KASH5: variants seen among roughly 807,000 people sequenced by gnomAD.
KASH5 encodes KASH domain containing 5.
KASH5 carries 72 observed loss-of-function variants against 84.2 expected under a neutral mutation model. The ratio of observed to expected loss-of-function variants is 0.85; its 90% CI spans 0.71 to 1.04. The LOEUF (loss-of-function observed/expected upper bound fraction) is 1.04. Among genes scored for constraint, KASH5 ranks in the 50% least tolerant of loss-of-function variants. The pLI is 0.00. For missense variants in KASH5, 650 were observed against 701.0 expected (o/e 0.93, Z 0.82); for synonymous variants, 260 against 279.1 (o/e 0.93, Z 0.68).
chr19:49,411,623 C>T (rs927354212), intron 15 of KASH5, among the ~76,000 whole-genome samples: 21 of 152,250 alleles, frequency 1.4e-4, no homozygotes, highest in Non-Finnish European at 2.1e-4. Context: ...ACAGGCTTGT[C>T]AAGGGGAAGA....
At chr19:49,397,543 G>T in intron 5 of KASH5, 108 bp from the exon 6 acceptor site, 1 of 948,318 alleles carries the variant, frequency 1.1e-6, no homozygotes, top group South Asian at 1.4e-5. Flanking sequence ...AGATTCTCCA[G>T]AGCACAGGTG....
chr19:49,407,572 G>A (rs1416555065), intron 11 of KASH5, 40 bp from the exon 12 acceptor site: 3 of 1,557,460 alleles, frequency 1.9e-6, no homozygotes, highest in Non-Finnish European at 1.7e-6. Flanking sequence ...GTGTCTTTGG[G>A]GAACTGGTCC....
intron 3 of KASH5, 191 bp downstream of exon 3, chr19:49,394,771 G>A (rs1486083799): frequency 8.4e-6 from 5 of 594,986 alleles, no homozygotes; most frequent in Non-Finnish European, 1.5e-5. Context: ...TTAGAATGAG[G>A]AAAACTTGGG....
At chr19:49,411,522 G>A (rs1374609806) in intron 15 of KASH5, among the ~76,000 whole-genome samples, 3 of 152,154 alleles carry the variant, frequency 2.0e-5, no homozygotes, top group Non-Finnish European at 2.9e-5. Context: ...ACATGCCAAT[G>A]GTCACACAGC....
chr19:49,398,869 T>C (rs1244762714), intron 7 of KASH5, among the ~76,000 whole-genome samples, 156 bp from the exon 8 acceptor site: 2 of 152,108 alleles, frequency 1.3e-5, no homozygotes, highest in Admixed American at 1.3e-4. Context: ...TCTCCTCTTT[T>C]CTCTCTGGGT....
chr19:49,402,204 T>A (rs1224443468), intron 9 of KASH5, among the ~76,000 whole-genome samples: 1 of 148,150 alleles, frequency 6.7e-6, no homozygotes, highest in African/African-American at 2.5e-5. Context: ...ATGGTACCAG[T>A]GTACTCCAGT....
chr19:49,402,504 C>T (rs920245542), intron 9 of KASH5, among the ~76,000 whole-genome samples: 12 of 152,150 alleles, frequency 7.9e-5, no homozygotes, highest in Middle Eastern at 3.4e-3. Context: ...GTCAGGAGTT[C>T]GAAACCAGCC....
At position 49,395,197 on chromosome 19, in the gene KASH5, C is replaced by G. The variant is rs1208377857; in HGVS notation, c.240C>G (p.Ser80Arg). The G allele has an allele frequency of 6.2e-7, 1 of 1,612,764 alleles. No homozygotes were observed. Among genetic ancestry groups the G allele is most frequent in the Non-Finnish European group, 8.5e-7 (1 of 1,179,502 alleles). The change falls in exon 4 of 20, where the codon AGC becomes AGG. Residue 80 changes from serine to arginine, a missense_variant. Coordinates refer to ENST00000447857, the MANE Select transcript of KASH5 (RefSeq NM_144688.5). The surrounding 1 kb of genome is among the most constrained non-coding windows in gnomAD (Gnocchi z 4.4). Reference sequence around the variant, plus strand: ...CACGCCTCCAAACATTGGCCAACAGCCTGGACCCCAATGGGGAGGGCCCTA... The same window carrying G: ...CACGCCTCCAAACATTGGCCAACAGGCTGGACCCCAATGGGGAGGGCCCTA... ...QDARLQTLANSLDPNGEGPKA... is the reference protein window; with the variant it reads ...QDARLQTLANRLDPNGEGPKA...
Position 49,395,046 on chromosome 19 carries a change from C to T in KASH5, c.149-60C>T. 4 of 1,357,170 alleles carry T rather than the reference C, an allele frequency of 2.9e-6. No individual in the cohort carries two copies. The highest frequency in any genetic ancestry group is 4.0e-6 in the Non-Finnish European group (4 of 1,007,376). The allele number at this position is 1,357,170 out of a possible 1,614,324, so 84.1% of individuals were successfully genotyped here. On this transcript the variant is annotated intron_variant, in intron 3 of 19. Coordinates refer to ENST00000447857, the MANE Select transcript of KASH5 (RefSeq NM_144688.5). This position sits in a 1 kb window ranked among gnomAD's most constrained non-coding sequence, Gnocchi z 4.4. ...TGACATCCTGGTCCCAAGCTGCTGCCAGTCCATACCCATCACTCCCCACCT... is the reference window on the plus strand; with the variant it reads ...TGACATCCTGGTCCCAAGCTGCTGCTAGTCCATACCCATCACTCCCCACCT...
Position 49,395,095 on chromosome 19 carries a change from C to T in KASH5, c.149-11C>T, listed in dbSNP as rs762247652. On this transcript the variant is annotated splice_polypyrimidine_tract_variant and intron_variant, in intron 3 of 19. Coordinates refer to ENST00000447857, the MANE Select transcript of KASH5 (RefSeq NM_144688.5). This position sits in a 1 kb window ranked among gnomAD's most constrained non-coding sequence, Gnocchi z 4.4. ...CTGCCCCAGACCCCCTCACTGCATG[C>T]TCTGTCACAGGCACTGTGGCTGTGG... The T allele has an allele frequency of 3.5e-5, 56 of 1,595,406 alleles. No homozygotes were observed. The highest frequency in any genetic ancestry group is 4.6e-5 in the Non-Finnish European group (54 of 1,174,274).
At chr19:49,394,601 G>C (rs1321051337) in intron 3 of KASH5, 21 bp downstream of exon 3, 1 of 1,588,738 alleles carries the variant, frequency 6.3e-7, no homozygotes, top group African/African-American at 1.3e-5. Flanking sequence ...CATGAGGGGT[G>C]CTGGGGACCA....
intron 16 of KASH5, 53 bp downstream of exon 16, chr19:49,413,079 T>C: frequency 6.4e-7 from 1 of 1,552,196 alleles, no homozygotes. Flanking sequence ...TTCACAGCTG[T>C]TTACAGTAGG....
rs1974768125 is a variant in KASH5, at chr19:49,412,943, A to C, written c.1270-25A>C. The C allele has an allele frequency of 1.9e-6, 3 of 1,613,144 alleles. No homozygotes were observed. In the Admixed American group the frequency reaches 5.0e-5, roughly 27 times the overall value. ...AGCTTTGAGTGAGAAGAATCAGAGAAGAACTAACCTTTTTGTTTCCACAGA... is the reference window on the plus strand; with the variant it reads ...AGCTTTGAGTGAGAAGAATCAGAGACGAACTAACCTTTTTGTTTCCACAGA... On this transcript the variant is annotated intron_variant, in intron 15 of 19. Transcript: ENST00000447857. The surrounding 1 kb of genome is among the most constrained non-coding windows in gnomAD (Gnocchi z 4.6).
At chr19:49,396,576 G>A (rs1459917005) in intron 5 of KASH5, among the ~76,000 whole-genome samples, 2 of 152,122 alleles carry the variant, frequency 1.3e-5, no homozygotes, top group Non-Finnish European at 2.9e-5. Flanking sequence ...TCTGGCAAAG[G>A]GGAAGCCCTG....
At chr19:49,400,750 G>T (rs1974339273) in intron 9 of KASH5, among the ~76,000 whole-genome samples, 1 of 152,126 alleles carries the variant, frequency 6.6e-6, no homozygotes, top group East Asian at 1.9e-4. Context: ...TTTGAGGATT[G>T]ACAGCATTTC....
At position 49,414,706 on chromosome 19, in the gene KASH5, C is replaced by G; in HGVS notation, c.1329-245C>G. Among the ~76,000 whole-genome samples the G allele has an allele frequency of 6.8e-6, 1 of 147,830 alleles. No individual in the cohort carries two copies. ...GGCCCGTCCGTGCTGCCTGGCCTCC[C>G]CCAGGCCCGTCCGTGCTGCCTGGCC... On this transcript the variant is annotated intron_variant, in intron 16 of 19. Coordinates refer to ENST00000447857, the MANE Select transcript of KASH5 (RefSeq NM_144688.5). This position sits in a 1 kb window ranked among gnomAD's most constrained non-coding sequence, Gnocchi z 4.5.
chr19:49,406,744 G>T, intron 9 of KASH5, 142 bp from the exon 10 acceptor site: 1 of 722,118 alleles, frequency 1.4e-6, no homozygotes, highest in Non-Finnish European at 2.4e-6. Flanking sequence ...TGGAATGGTT[G>T]GAGGAATTAA....
intron 5 of KASH5, among the ~76,000 whole-genome samples, chr19:49,397,398 G>T (rs1216222178): frequency 6.6e-6 from 1 of 152,168 alleles, no homozygotes; most frequent in Non-Finnish European, 1.5e-5. Flanking sequence ...GGAAGGGGAA[G>T]GTGAAGTGCT....
chr19:49,389,282 A>T (rs1973922410), intron 1 of KASH5, among the ~76,000 whole-genome samples: 1 of 142,154 alleles, frequency 7.0e-6, no homozygotes, highest in African/African-American at 2.6e-5. Flanking sequence ...CCAGTCAGAG[A>T]CCCCCACAGA....
Sources: allele counts gnomAD v4.1 joint callset (sites outside exome capture counted in the v4.1 genomes callset), GRCh38; gene constraint gnomAD v4.1.1; non-coding constraint Gnocchi (gnomAD v3.1); transcripts MANE v1.5; gene names NCBI Gene and HGNC (gene_info 2026-07-23, HGNC 2026-07-21).